The following MMEL1 variants were observed in gnomAD, a reference collection of about 807,000 sequenced individuals.
The protein encoded by MMEL1 is membrane metalloendopeptidase like 1.
A neutral mutation model predicts 117.1 loss-of-function variants in MMEL1; 98 were observed. The observed-to-expected ratio is 0.84, with a 90% CI of 0.71 to 0.99. The LOEUF (loss-of-function observed/expected upper bound fraction) is 0.99, where lower values mean the gene tolerates loss of function less well. Ranked by LOEUF, MMEL1 falls within the 50% of genes least tolerant of loss-of-function variation. The pLI is 0.00. For synonymous variants in MMEL1, 390 were observed against 415.1 expected (o/e 0.94, Z 0.74); for missense variants, 1,014 against 1,049.1 (o/e 0.97, Z 0.46).
At chr1:2,593,790 G>A (rs368796607) in intron 19 of MMEL1, 24 bp downstream of exon 19, 1 of 1,582,912 alleles carries the variant, frequency 6.3e-7, no homozygotes, top group Non-Finnish European at 8.6e-7. Flanking sequence ...GAGGGCGTGT[G>A]TGATTGGAGG....
At chr1:2,593,966 T>C in intron 18 of MMEL1, 33 bp from the exon 19 acceptor site, 1 of 1,563,750 alleles carries the variant, frequency 6.4e-7, no homozygotes, top group South Asian at 1.2e-5. Context: ...GAATAAGCTG[T>C]GAGTGGACAC....
intron 2 of MMEL1, among the ~76,000 whole-genome samples, chr1:2,618,352 CCA>C (rs1645236487): frequency 6.6e-6 from 1 of 152,210 alleles, no homozygotes; most frequent in African/African-American, 2.4e-5. Context: ...AGATGGGGAG[CCA>C]TGCTTCCTGT....
At chr1:2,625,942 A>AAGG (rs58240187) in intron 2 of MMEL1, among the ~76,000 whole-genome samples, 160 of 151,790 alleles carry the variant, frequency 1.1e-3, no homozygotes, top group Non-Finnish European at 1.8e-3. Flanking sequence ...ACAGAGGAAG[A>AAGG]GAAGACTAGG....
chr1:2,625,618 T>C (rs1638241442), intron 2 of MMEL1, among the ~76,000 whole-genome samples: 1 of 152,192 alleles, frequency 6.6e-6, no homozygotes, highest in Non-Finnish European at 1.5e-5. Flanking sequence ...TTGAGACAGC[T>C]CTTGGCCCGT....
rs761413031 is a variant in MMEL1 at position 2,609,870 on chromosome 1, C to G, written c.293-39G>C. On this transcript the variant is annotated intron_variant, in intron 4 of 23. Transcript: ENST00000378412. ...TGGCGTGGAGCAGGGAGAGGGGAGACAGAGAGAGTTGTGGACAGCCCAGAA... is the reference window on the plus strand; with the variant it reads ...TGGCGTGGAGCAGGGAGAGGGGAGAGAGAGAGAGTTGTGGACAGCCCAGAA... The G allele has an allele frequency of 5.1e-6, 8 of 1,575,168 alleles. No homozygotes were observed. In the Admixed American group the frequency reaches 8.8e-5, roughly 17 times the overall value.
chr1:2,609,161 G>A (rs1477205960), intron 6 of MMEL1, among the ~76,000 whole-genome samples, 178 bp downstream of exon 6: 4 of 152,116 alleles, frequency 2.6e-5, no homozygotes, highest in Non-Finnish European at 5.9e-5. Context: ...GCATTACTGC[G>A]AGCCTGGACC....
chr1:2,596,452 C>G, intron 14 of MMEL1, 109 bp downstream of exon 14: 1 of 1,454,986 alleles, frequency 6.9e-7, no homozygotes, highest in Non-Finnish European at 9.2e-7. Flanking sequence ...GTCTGGTGAG[C>G]TGGGGCAGGT....
chr1:2,622,212 G>A (rs1645300454), intron 2 of MMEL1, among the ~76,000 whole-genome samples: 2 of 152,166 alleles, frequency 1.3e-5, no homozygotes. Context: ...ATTTCCCCAG[G>A]TGATTCCAAT....
At chr1:2,599,859 A>G (rs1644904165) in intron 11 of MMEL1, among the ~76,000 whole-genome samples, 1 of 151,636 alleles carries the variant, frequency 6.6e-6, no homozygotes, top group Admixed American at 6.6e-5. Context: ...TTTGTCTCAA[A>G]AAAAAAAAAA....
intron 12 of MMEL1, 93 bp downstream of exon 12, chr1:2,598,561 G>A (rs1644882817): frequency 1.3e-6 from 2 of 1,567,836 alleles, no homozygotes; most frequent in South Asian, 1.2e-5. Context: ...ATGCTTCATA[G>A]GGTCCCCTCC....
intron 11 of MMEL1, among the ~76,000 whole-genome samples, chr1:2,603,592 CCT>C (rs1481869268): frequency 1.3e-5 from 2 of 152,172 alleles, no homozygotes; most frequent in Non-Finnish European, 2.9e-5. Flanking sequence ...TCAGCAGCCC[CCT>C]GAGGCCTCCG....
chr1:2,614,049 C>T (rs75117109), intron 2 of MMEL1, among the ~76,000 whole-genome samples: 2 of 152,074 alleles, frequency 1.3e-5, no homozygotes, highest in Non-Finnish European at 2.9e-5. Flanking sequence ...CAAAAAATGA[C>T]AAATAGTGAA....
chr1:2,594,993 C>T (rs1345476130), intron 16 of MMEL1, 100 bp from the exon 17 acceptor site: 2 of 985,074 alleles, frequency 2.0e-6, no homozygotes, highest in Non-Finnish European at 3.1e-6. Flanking sequence ...CAAGCCTTGC[C>T]AGGCGTCCGC....
Position 2,632,907 on chromosome 1 carries a change from CT to C in MMEL1, c.-80del, listed in dbSNP as rs1247301458. ...GTGGCTGCCGCCCACAGTCAGGCCC[CT>C]GGAGACTGGGTCCCAGTGGGTTGGA... On this transcript the variant is annotated 5_prime_UTR_variant, in exon 1 of 24. Coordinates refer to ENST00000378412, the MANE Select transcript of MMEL1 (RefSeq NM_033467.4). The C allele has an allele frequency of 3.7e-5, 36 of 985,542 alleles. No homozygotes were observed. Among genetic ancestry groups the C allele is most frequent in the Non-Finnish European group, 4.2e-5 (35 of 830,084 alleles). The allele number at this position is 985,542 out of a possible 1,614,324, so 61.0% of individuals were successfully genotyped here.
intron 2 of MMEL1, among the ~76,000 whole-genome samples, chr1:2,624,245 G>C: frequency 6.6e-6 from 1 of 152,222 alleles, no homozygotes; most frequent in East Asian, 1.9e-4. Flanking sequence ...GACTGCTGAA[G>C]GCCAAGGCTG....
chr1:2,599,623 C>G (rs1008053495), intron 11 of MMEL1, among the ~76,000 whole-genome samples: 1 of 152,162 alleles, frequency 6.6e-6, no homozygotes, highest in Non-Finnish European at 1.5e-5. Flanking sequence ...TTTGGGAGGT[C>G]GAGGCGGGCA....
At chr1:2,622,359 C>G (rs1645302826) in intron 2 of MMEL1, among the ~76,000 whole-genome samples, 1 of 152,172 alleles carries the variant, frequency 6.6e-6, no homozygotes, top group Non-Finnish European at 1.5e-5. Flanking sequence ...TTCTGAATTT[C>G]TAACAGGCTC....
intron 2 of MMEL1, among the ~76,000 whole-genome samples, chr1:2,618,157 G>C (rs908564827): frequency 5.9e-5 from 9 of 152,186 alleles, no homozygotes; most frequent in Non-Finnish European, 1.2e-4. Flanking sequence ...CCCAATGTTG[G>C]GGGTGGGGCC....
intron 6 of MMEL1, among the ~76,000 whole-genome samples, chr1:2,608,720 T>C (rs1407257044): frequency 2.6e-5 from 4 of 151,856 alleles, no homozygotes; most frequent in Non-Finnish European, 5.9e-5. Flanking sequence ...ACATATACAC[T>C]ATACACAATA....
Sources: gnomAD v4.1 joint callset for allele counts (sites outside exome capture counted in the v4.1 genomes callset) on GRCh38, gnomAD v4.1.1 for gene constraint, MANE v1.5 for transcripts, NCBI Gene and HGNC (gene_info 2026-07-23, HGNC 2026-07-21) for gene names.